DYNC2H1: variants seen among roughly 807,000 people sequenced by gnomAD.
The protein encoded by DYNC2H1 is cytoplasmic dynein 2 heavy chain 1.
DYNC2H1 carries 410 observed loss-of-function variants against 570.0 expected under a neutral mutation model. The observed-to-expected ratio is 0.72, with a 90% CI of 0.66 to 0.78. The LOEUF (loss-of-function observed/expected upper bound fraction) is 0.78, where lower values mean the gene tolerates loss of function less well. Among genes scored for constraint, DYNC2H1 ranks in the 30% least tolerant of loss-of-function variants. The pLI, the probability that DYNC2H1 is intolerant of heterozygous loss-of-function variation, is 0.00. For missense variants in DYNC2H1, 4,865 were observed against 5,046.4 expected, an observed-to-expected ratio of 0.96 and a Z score of 1.09; for synonymous variants, 1,688 against 1,677.6, an observed-to-expected ratio of 1.01 and a Z score of -0.15.
In DYNC2H1 at chr11:103,239,528, G is replaced by A. The variant is rs2135211530; in HGVS notation, c.9819+2989G>A. Among the ~76,000 whole-genome samples, 1 of 152,058 alleles carries A rather than the reference G, an allele frequency of 6.6e-6. No individual in the cohort carries two copies. Among genetic ancestry groups the A allele is most frequent in the East Asian group, 1.9e-4 (1 of 5,176 alleles). Reference sequence around the variant, plus strand: ...ATGTGTTATCCCTTTTATAGATAAGGACATTGAGGCACAGAAGAGTTAATT... The same window carrying A: ...ATGTGTTATCCCTTTTATAGATAAGAACATTGAGGCACAGAAGAGTTAATT... On this transcript the variant is annotated intron_variant, in intron 63 of 88. Transcript: ENST00000375735. The surrounding 1 kb of genome is among the most constrained non-coding windows in gnomAD (Gnocchi z 4.3).
chr11:103,234,284 C>A (rs932895488), intron 61 of DYNC2H1, 124 bp downstream of exon 61: 3 of 1,178,144 alleles, frequency 2.5e-6, no homozygotes, highest in Admixed American at 5.7e-5. Context: ...GATAAATAAT[C>A]TGGATATAAA....
chr11:103,371,577 A>G (rs1244272504), intron 83 of DYNC2H1, among the ~76,000 whole-genome samples: 1 of 152,228 alleles, frequency 6.6e-6, no homozygotes, highest in Non-Finnish European at 1.5e-5. Flanking sequence ...AACAAGTAAC[A>G]TACAATGGAG....
chr11:103,351,446 A>C (rs555854313), intron 82 of DYNC2H1, among the ~76,000 whole-genome samples: 26 of 152,328 alleles, frequency 1.7e-4, no homozygotes, highest in African/African-American at 6.0e-4. Flanking sequence ...ATTACATTGC[A>C]AAGGATGTGA....
intron 1 of DYNC2H1, among the ~76,000 whole-genome samples, chr11:103,111,894 G>A (rs768526783): frequency 1.3e-5 from 2 of 152,128 alleles, no homozygotes; most frequent in Non-Finnish European, 2.9e-5. Context: ...TAGTACTGGG[G>A]ACAAAGCCAT....
At chr11:103,240,696 A>G (rs1283405107) in intron 63 of DYNC2H1, among the ~76,000 whole-genome samples, 2 of 152,094 alleles carry the variant, frequency 1.3e-5, no homozygotes, top group Non-Finnish European at 2.9e-5. Context: ...ATGTGGATAA[A>G]TATATCATTA....
At position 103,170,859 on chromosome 11, in the gene DYNC2H1, A is replaced by T. The variant is rs1296617820; in HGVS notation, c.5152-27A>T. On this transcript the variant is annotated intron_variant, in intron 33 of 88. Coordinates refer to ENST00000375735, the MANE Select transcript of DYNC2H1 (RefSeq NM_001377.3). The surrounding 1 kb of genome is among the most constrained non-coding windows in gnomAD (Gnocchi z 4.8). ...TGGAGATTTTGATTATTTTTTAATG[A>T]CTATAATTTTTATTGTTGTTTTTAA... 2.1e-6 allele frequency: 3 copies of T among 1,410,368 alleles called. No individual in the cohort carries two copies. The highest frequency in any genetic ancestry group is 2.8e-6 in the Non-Finnish European group (3 of 1,070,834). The allele number at this position is 1,410,368 out of a possible 1,614,324, so 87.4% of individuals were successfully genotyped here.
At chr11:103,224,057 G>T (rs535042398) in intron 59 of DYNC2H1, among the ~76,000 whole-genome samples, 4 of 152,108 alleles carry the variant, frequency 2.6e-5, no homozygotes, top group African/African-American at 7.2e-5. Flanking sequence ...GAAATTTAAG[G>T]CTTTTGTATT....
chr11:103,442,722 A>G (rs1371454999), intron 85 of DYNC2H1, among the ~76,000 whole-genome samples: 1 of 152,128 alleles, frequency 6.6e-6, no homozygotes. Flanking sequence ...CCGAATTTCT[A>G]TCTGCATTGC....
At chr11:103,301,825 C>A (rs1002075003) in intron 75 of DYNC2H1, among the ~76,000 whole-genome samples, 1 of 151,966 alleles carries the variant, frequency 6.6e-6, no homozygotes, top group Admixed American at 6.6e-5. Context: ...ATTCTTAATT[C>A]TTTAAGGATG....
In DYNC2H1 at chr11:103,170,861, T is replaced by C. The variant is rs1394940021; in HGVS notation, c.5152-25T>C. 4 of 1,427,670 alleles carry C rather than the reference T, an allele frequency of 2.8e-6. No homozygotes were observed. Among genetic ancestry groups the C allele is most frequent in the Admixed American group, 2.4e-5 (1 of 42,216 alleles). 88.4% of individuals were successfully genotyped at this position (1,427,670 alleles called of 1,614,324 possible). On this transcript the variant is annotated intron_variant, in intron 33 of 88. Transcript: ENST00000375735. This position sits in a 1 kb window ranked among gnomAD's most constrained non-coding sequence, Gnocchi z 4.8. ...GAGATTTTGATTATTTTTTAATGAC[T>C]ATAATTTTTATTGTTGTTTTTAAGG...
At chr11:103,337,010 CACG>C (rs1328997447) in intron 82 of DYNC2H1, among the ~76,000 whole-genome samples, 1 of 152,188 alleles carries the variant, frequency 6.6e-6, no homozygotes, top group African/African-American at 2.4e-5. Context: ...CCATGACGCC[CACG>C]CTGAAGGTCA....
chr11:103,449,202 A>G (rs1944519840), intron 85 of DYNC2H1, among the ~76,000 whole-genome samples: 1 of 152,192 alleles, frequency 6.6e-6, no homozygotes, highest in African/African-American at 2.4e-5. Flanking sequence ...GAAACAAGAC[A>G]GAAAAAGGTG....
rs1591322723 is a variant in DYNC2H1 at position 103,151,912 on chromosome 11, C to T, written c.2947-224C>T. Among the ~76,000 whole-genome samples the T allele has an allele frequency of 1.3e-5, 2 of 151,882 alleles. No homozygotes were observed. The highest frequency in any genetic ancestry group is 4.8e-5 in the African/African-American group (2 of 41,338). On this transcript the variant is annotated intron_variant, in intron 20 of 88. Coordinates refer to ENST00000375735, the MANE Select transcript of DYNC2H1 (RefSeq NM_001377.3). The surrounding 1 kb of genome is among the most constrained non-coding windows in gnomAD (Gnocchi z 4.6). ...TTTTTTAACCTCTGATGTTAGAGTGCCTTAGTTGAATTTGTGTATAGTAAA... is the reference window on the plus strand; with the variant it reads ...TTTTTTAACCTCTGATGTTAGAGTGTCTTAGTTGAATTTGTGTATAGTAAA...
intron 87 of DYNC2H1, among the ~76,000 whole-genome samples, chr11:103,459,525 A>G (rs1037455249): frequency 1.3e-5 from 2 of 152,082 alleles, no homozygotes; most frequent in South Asian, 2.1e-4. Context: ...TTGAGCGCCT[A>G]TAATAGGAGA....
In DYNC2H1 at chr11:103,135,640, A is replaced by G. The variant is rs778977022; in HGVS notation, c.2345+6A>G. 1.9e-6 allele frequency: 3 copies of G among 1,610,048 alleles called. No homozygotes were observed. The Admixed American group carries it at 5.1e-5, about 27-fold the overall frequency. On this transcript the variant is annotated splice_donor_region_variant and intron_variant, in intron 16 of 88. Transcript: ENST00000375735. Reference sequence around the variant, plus strand: ...AATATAGACTTAACTTACAAGTAAGATGTTTTTTCAACCCCAATTTAATGT... The same window carrying G: ...AATATAGACTTAACTTACAAGTAAGGTGTTTTTTCAACCCCAATTTAATGT...
Position 103,473,914 on chromosome 11 carries a change from A to G in DYNC2H1, c.12766-5181A>G, listed in dbSNP as rs1945469921. 1.3e-5 allele frequency among the ~76,000 whole-genome samples: 2 copies of G among 152,224 alleles called. 1 individual carries two copies. The highest frequency in any genetic ancestry group is 4.1e-4 in the South Asian group (2 of 4,838). ...ATTTATTCTCAGAGAAAATAGAACT[A>G]TAAAATATTTACACAAGCTACTCAG... On this transcript the variant is annotated intron_variant, in intron 88 of 88. Transcript: ENST00000375735.
In DYNC2H1 at chr11:103,325,132, T is replaced by C. The variant is rs1938406769; in HGVS notation, c.12039+1142T>C. The stretch of plus-strand genomic sequence containing the variant: ...CATTGGACCTTTGTTGAGTACTTAG[T>C]TTGCAAACATTTTCTCCTATTCTGT... On this transcript the variant is annotated intron_variant, in intron 82 of 88. Coordinates refer to ENST00000375735, the MANE Select transcript of DYNC2H1 (RefSeq NM_001377.3). The surrounding 1 kb of genome is among the most constrained non-coding windows in gnomAD (Gnocchi z 4.8). Among the ~76,000 whole-genome samples, 1 of 152,210 alleles carries C rather than the reference T, an allele frequency of 6.6e-6. No homozygotes were observed. Among genetic ancestry groups the C allele is most frequent in the South Asian group, 2.1e-4 (1 of 4,836 alleles).
chr11:103,208,379 A>G (rs1350524228), intron 52 of DYNC2H1, among the ~76,000 whole-genome samples: 3 of 152,170 alleles, frequency 2.0e-5, no homozygotes. Context: ...CTCTAGCCTG[A>G]TAATATGAAA....
At position 103,264,739 on chromosome 11, in the gene DYNC2H1, G is replaced by A. The variant is rs745511892; in HGVS notation, c.10695+4762G>A. Reference sequence around the variant, plus strand: ...ACAGACCCACAGCCAATGTCATACCGAATGTGAATCAATATCAGTATCATA... The same window carrying A: ...ACAGACCCACAGCCAATGTCATACCAAATGTGAATCAATATCAGTATCATA... On this transcript the variant is annotated intron_variant, in intron 70 of 88. Coordinates refer to ENST00000375735, the MANE Select transcript of DYNC2H1 (RefSeq NM_001377.3). The surrounding 1 kb of genome is among the most constrained non-coding windows in gnomAD (Gnocchi z 4.8). 2.6e-5 allele frequency among the ~76,000 whole-genome samples: 4 copies of A among 152,100 alleles called. No homozygotes were observed. The South Asian group carries it at 6.2e-4, about 24-fold the overall frequency.
Sources: gnomAD v4.1 joint callset for allele counts (sites outside exome capture counted in the v4.1 genomes callset) on GRCh38, gnomAD v4.1.1 for gene constraint, Gnocchi (gnomAD v3.1) non-coding constraint, MANE v1.5 for transcripts, NCBI Gene and HGNC (gene_info 2026-07-23, HGNC 2026-07-21) for gene names.